DSN1: variants seen among roughly 807,000 people sequenced by gnomAD.
DSN1 encodes the protein DSN1 component of MIS12 kinetochore complex, also known as kinetochore-associated protein DSN1 homolog.
A neutral mutation model predicts 45.7 loss-of-function variants in DSN1; 31 were observed. That is an observed-to-expected ratio of 0.68 (90% confidence interval 0.51 to 0.92). The LOEUF (loss-of-function observed/expected upper bound fraction) is 0.92, where lower values mean the gene tolerates loss of function less well. DSN1 is among the 40% of genes least tolerant of loss of function. The probability of loss-of-function intolerance (pLI) is 0.00; values close to 1 mark genes in which losing one functional copy is unlikely to be tolerated. For synonymous variants in DSN1, 134 were observed against 142.3 expected (o/e 0.94, Z 0.41); for missense variants, 394 against 414.2 (o/e 0.95, Z 0.42).
At chr20:36,769,902 T>TACACACACACACACAC (rs66970744) in intron 3 of DSN1, among the ~76,000 whole-genome samples, 5 of 117,338 alleles carry the variant, frequency 4.3e-5, no homozygotes, top group African/African-American at 1.9e-4. Flanking sequence ...TCACTGTAGA[T>TACACACACACACACAC]ACACACACAC....
In DSN1 at chr20:36,754,546, TTTAA is replaced by T. The variant is rs555918790; in HGVS notation, c.961+213_961+216del. On this transcript the variant is annotated intron_variant, in intron 10 of 10. Transcript: ENST00000373750. ...AAAACAACAACATATTTCATGGGGATTTAATTCTCAGTCTACTGTGCTTCTGTAG... is the reference window on the plus strand; with the variant it reads ...AAAACAACAACATATTTCATGGGGATTTCTCAGTCTACTGTGCTTCTGTAG... 6.0e-3 allele frequency among the ~76,000 whole-genome samples: 917 copies of T among 152,328 alleles called. 6 individuals carry two copies. The highest frequency in any genetic ancestry group is 0.02 in the African/African-American group (829 of 41,566).
At chr20:36,768,180 AT>A in intron 3 of DSN1, 138 bp from the exon 4 acceptor site, 1 of 733,116 alleles carries the variant, frequency 1.4e-6, no homozygotes, top group East Asian at 2.7e-5. Flanking sequence ...CAGAATTCTA[AT>A]TTTTGCAGGA....
intron 6 of DSN1, among the ~76,000 whole-genome samples, chr20:36,761,369 T>C (rs1986971074): frequency 1.3e-5 from 2 of 152,220 alleles, no homozygotes; most frequent in Admixed American, 1.3e-4. Flanking sequence ...TCTTCTATTA[T>C]AATGTATGAC....
rs1987364547 is a variant in DSN1 at position 36,766,808 on chromosome 20, C to T, written c.463G>A (p.Asp155Asn). 3 of 1,608,284 alleles carry T rather than the reference C, an allele frequency of 1.9e-6. No individual in the cohort carries two copies. Among genetic ancestry groups the T allele is most frequent in the African/African-American group, 2.7e-5 (2 of 74,506 alleles). ...SIQKLEPFLR[D>N]TKGFSLESFR... ...CTTTCAAGACTGAAGCCCTTAGTGTCCCTTAGGAAAGGTTCAAGTTTCTGA... is the reference window on the plus strand; with the variant it reads ...CTTTCAAGACTGAAGCCCTTAGTGTTCCTTAGGAAAGGTTCAAGTTTCTGA... Residue 155 changes from aspartate to asparagine, a missense_variant, in exon 5 of 11, where the codon GAC becomes AAC. Coordinates refer to ENST00000373750, the MANE Select transcript of DSN1 (RefSeq NM_001145315.2).
At chr20:36,764,447 G>C (rs1442441519) in intron 5 of DSN1, among the ~76,000 whole-genome samples, 1 of 152,260 alleles carries the variant, frequency 6.6e-6, no homozygotes, top group East Asian at 1.9e-4. Flanking sequence ...GATCTTTTAA[G>C]TGGGTAAACT....
intron 7 of DSN1, 58 bp downstream of exon 7, chr20:36,758,500 T>C: frequency 6.9e-7 from 1 of 1,444,640 alleles, no homozygotes; most frequent in Non-Finnish European, 9.6e-7. Context: ...TTTTCCAAGT[T>C]AGTTAATTTC....
chr20:36,763,279 C>T (rs186497875), intron 5 of DSN1, among the ~76,000 whole-genome samples: 9 of 151,906 alleles, frequency 5.9e-5, no homozygotes, highest in East Asian at 5.8e-4. Flanking sequence ...GTGGTACACG[C>T]CTGTAATCCC....
intron 4 of DSN1, 33 bp from the exon 5 acceptor site, chr20:36,766,874 C>T: frequency 6.7e-7 from 1 of 1,501,144 alleles, no homozygotes; most frequent in Non-Finnish European, 9.1e-7. Flanking sequence ...AGTACAACCA[C>T]CAAAAACTTC....
rs1369885721 is a variant in DSN1, at chr20:36,752,545, G to C, written c.*243C>G. 2.5e-6 allele frequency: 1 copy of C among 406,444 alleles called. No individual in the cohort carries two copies. Among genetic ancestry groups the C allele is most frequent in the Non-Finnish European group, 4.4e-6 (1 of 228,004 alleles). 25.2% of individuals were successfully genotyped at this position (406,444 alleles called of 1,614,324 possible). On this transcript the variant is annotated 3_prime_UTR_variant, in exon 11 of 11. Transcript: ENST00000373750. ...AAAAGAATGGGCCACTGGATCTGAAGATCATTTCAAAAAAGAAGTTTGAAC... is the reference window on the plus strand; with the variant it reads ...AAAAGAATGGGCCACTGGATCTGAACATCATTTCAAAAAAGAAGTTTGAAC...
rs572104227 is a variant in DSN1, at chr20:36,768,095, A to G, written c.356-53T>C. On this transcript the variant is annotated intron_variant, in intron 3 of 10. Coordinates refer to ENST00000373750, the MANE Select transcript of DSN1 (RefSeq NM_001145315.2). ...GAGCTGGATAGTTACATAGTTAGCA[A>G]CTAACAAAACTGAAAAATGTCCTCC... is the stretch of plus-strand genomic sequence containing the variant. 4.1e-5 allele frequency: 64 copies of G among 1,559,372 alleles called. No individual in the cohort carries two copies. The African/African-American group carries it at 8.1e-4, about 20-fold the overall frequency.
intron 3 of DSN1, among the ~76,000 whole-genome samples, chr20:36,768,738 C>CTA: frequency 6.6e-6 from 1 of 152,248 alleles, no homozygotes; most frequent in South Asian, 2.1e-4. Context: ...GTACTGTATA[C>CTA]TATAAGAAGA....
intron 3 of DSN1, 37 bp downstream of exon 3, chr20:36,770,836 G>A: frequency 6.4e-7 from 1 of 1,565,034 alleles, no homozygotes; most frequent in Non-Finnish European, 8.6e-7. Context: ...TCTTATCTGA[G>A]CTGGAACCTC....
chr20:36,755,900 C>G (rs1986646026), intron 8 of DSN1, 71 bp from the exon 9 acceptor site: 1 of 1,534,724 alleles, frequency 6.5e-7, no homozygotes, highest in African/African-American at 1.4e-5. Flanking sequence ...AAAGATTATC[C>G]TATAAAGCTG....
chr20:36,754,067 C>T (rs1268696283), intron 10 of DSN1, among the ~76,000 whole-genome samples: 1 of 151,796 alleles, frequency 6.6e-6, no homozygotes, highest in Non-Finnish European at 1.5e-5. Flanking sequence ...GTGGCTCACA[C>T]TTGTAATCCC....
intron 3 of DSN1, among the ~76,000 whole-genome samples, chr20:36,769,831 T>C (rs944910443): frequency 6.6e-6 from 1 of 151,758 alleles, no homozygotes. Flanking sequence ...ATAGTTACTA[T>C]TGTAAATTCA....
chr20:36,772,741 GTTAAAC>G (rs1987719194), intron 1 of DSN1, among the ~76,000 whole-genome samples: 1 of 152,248 alleles, frequency 6.6e-6, no homozygotes, highest in Admixed American at 6.5e-5. Context: ...CCTTCTACCT[GTTAAAC>G]TTATTCATCC....
chr20:36,758,140 A>G lies in DSN1; in HGVS notation c.672T>C (p.Thr224=). ...GGTAGTGAAGCAAGAGCTGATCCCA[A>G]GTCTGACGTTCTAAAGAAAACCTGT... ...YITKFSLERQ[T]WDQLLLHYQQ... The change falls in exon 8 of 11, where the codon ACT becomes ACC. Residue 224 remains threonine (T), a synonymous_variant. Transcript: ENST00000373750. The G allele has an allele frequency of 2.5e-6, 4 of 1,614,070 alleles. No individual in the cohort carries two copies. Among genetic ancestry groups the G allele is most frequent in the Non-Finnish European group, 3.4e-6 (4 of 1,179,990 alleles).
At chr20:36,766,963 C>A in intron 4 of DSN1, 122 bp from the exon 5 acceptor site, 7 of 589,742 alleles carry the variant, frequency 1.2e-5, no homozygotes, top group South Asian at 2.5e-5. Flanking sequence ...GTAATTTTTA[C>A]ACATAAGACT....
rs941751276 is a variant in DSN1, at chr20:36,772,613, C to T, written c.-16+1049G>A. ...CCCAGTCTATTCTTCAGACAGTTGCCGGGACTTTTCCAAAGTGTAGTCAAC... is the reference window on the plus strand; with the variant it reads ...CCCAGTCTATTCTTCAGACAGTTGCTGGGACTTTTCCAAAGTGTAGTCAAC... On this transcript the variant is annotated intron_variant, in intron 1 of 10. Coordinates refer to ENST00000373750, the MANE Select transcript of DSN1 (RefSeq NM_001145315.2). Among the ~76,000 whole-genome samples, 4 of 152,220 alleles carry T rather than the reference C, an allele frequency of 2.6e-5. No homozygotes were observed. In the East Asian group the frequency reaches 5.8e-4, roughly 22 times the overall value.
Sources: allele counts gnomAD v4.1 joint callset (sites outside exome capture counted in the v4.1 genomes callset), GRCh38; gene constraint gnomAD v4.1.1; transcripts MANE v1.5; gene names NCBI Gene and HGNC (gene_info 2026-07-23, HGNC 2026-07-21).